The following MNAT1 variants were observed in gnomAD, a reference collection of about 807,000 sequenced individuals.
The protein encoded by MNAT1 is CDK-activating kinase assembly factor MAT1.
MNAT1 carries 43 observed loss-of-function variants against 42.0 expected under a neutral mutation model. That is an observed-to-expected ratio of 1.02 (90% CI 0.80 to 1.32). The LOEUF is 1.32. Ranked by LOEUF, MNAT1 falls within the 40% of genes most tolerant of loss-of-function variation. The pLI, the probability that MNAT1 is intolerant of heterozygous loss-of-function variation, is 0.00. For missense variants in MNAT1, 306 were observed against 350.4 expected (o/e 0.87, Z 1.01); for synonymous variants, 118 against 120.0 (o/e 0.98, Z 0.11).
chr14:60,870,452 G>A (rs1429709146), intron 6 of MNAT1, among the ~76,000 whole-genome samples: 10 of 152,004 alleles, frequency 6.6e-5, no homozygotes, highest in Admixed American at 5.9e-4. Context: ...AACAGAAAGG[G>A]CTTTAGTTTT....
At chr14:60,789,235 T>C (rs192924524) in intron 1 of MNAT1, among the ~76,000 whole-genome samples, 9 of 152,222 alleles carry the variant, frequency 5.9e-5, no homozygotes, top group Non-Finnish European at 8.8e-5. Context: ...GTGAAGCAGT[T>C]GGAGTACATA....
intron 6 of MNAT1, among the ~76,000 whole-genome samples, chr14:60,829,111 G>T (rs1276528257): frequency 6.6e-6 from 1 of 152,062 alleles, no homozygotes; most frequent in Non-Finnish European, 1.5e-5. Flanking sequence ...CTTTCCAGAG[G>T]TTGGTGGAAC....
At chr14:60,790,290 C>T (rs1031820710) in intron 1 of MNAT1, among the ~76,000 whole-genome samples, 1 of 152,166 alleles carries the variant, frequency 6.6e-6, no homozygotes, top group South Asian at 2.1e-4. Context: ...CTGGGAACTG[C>T]TTAGTGCAAA....
intron 1 of MNAT1, among the ~76,000 whole-genome samples, chr14:60,756,244 C>T (rs976651129): frequency 6.6e-6 from 1 of 152,166 alleles, no homozygotes; most frequent in African/African-American, 2.4e-5. Flanking sequence ...AGTGATAGTA[C>T]ACAACCATAC....
intron 1 of MNAT1, among the ~76,000 whole-genome samples, chr14:60,741,881 C>G (rs575461482): frequency 1.3e-5 from 2 of 151,850 alleles, no homozygotes; most frequent in Non-Finnish European, 2.9e-5. Context: ...GCCATTTTAT[C>G]TGGATTGACA....
At chr14:60,795,179 G>A (rs1366595873) in intron 1 of MNAT1, among the ~76,000 whole-genome samples, 1 of 152,074 alleles carries the variant, frequency 6.6e-6, no homozygotes, top group African/African-American at 2.4e-5. Context: ...TATAAATCAA[G>A]CCACATCCTT....
At chr14:60,854,012 TTTCTAA>T (rs1192294291) in intron 6 of MNAT1, among the ~76,000 whole-genome samples, 6 of 152,208 alleles carry the variant, frequency 3.9e-5, no homozygotes, top group African/African-American at 1.4e-4. Flanking sequence ...TCATTCTTTT[TTTCTAA>T]TCTTGTCTTC....
intron 7 of MNAT1, among the ~76,000 whole-genome samples, chr14:60,883,665 G>C (rs556208922): frequency 6.6e-6 from 1 of 151,926 alleles, no homozygotes; most frequent in Admixed American, 6.6e-5. Context: ...AGATTGCTTT[G>C]GGTACTATGG....
intron 6 of MNAT1, among the ~76,000 whole-genome samples, chr14:60,861,129 A>G (rs2034085216): frequency 6.6e-6 from 1 of 152,176 alleles, no homozygotes; most frequent in Admixed American, 6.5e-5. Flanking sequence ...GATTAATATT[A>G]TGAATATAGT....
At chr14:60,793,200 C>CTTGT (rs774834071) in intron 1 of MNAT1, among the ~76,000 whole-genome samples, 9 of 151,040 alleles carry the variant, frequency 6.0e-5, no homozygotes, top group African/African-American at 1.9e-4. Flanking sequence ...TTGTTTTTTG[C>CTTGT]TTGTTTGTTT....
chr14:60,751,833 A>T (rs1342283550), intron 1 of MNAT1, among the ~76,000 whole-genome samples: 1 of 152,066 alleles, frequency 6.6e-6, no homozygotes, highest in Admixed American at 6.5e-5. Flanking sequence ...TTAGAACACA[A>T]ATATGATAGT....
Position 60,953,543 on chromosome 14 carries a change from G to A in MNAT1, c.810-14686G>A, listed in dbSNP as rs117237507. ...TCTATCTTTTGTGAAAGCATGCTTT[G>A]TATTGAAATTATCAAATAGAAGATA... On this transcript the variant is annotated intron_variant, in intron 7 of 7. Coordinates refer to ENST00000261245, the MANE Select transcript of MNAT1 (RefSeq NM_002431.4). Among the ~76,000 whole-genome samples the A allele has an allele frequency of 2.6e-5, 4 of 152,268 alleles. No individual in the cohort carries two copies. The East Asian group carries it at 7.7e-4, about 29-fold the overall frequency.
chr14:60,829,072 T>G (rs1232310787), intron 6 of MNAT1, among the ~76,000 whole-genome samples: 1 of 152,038 alleles, frequency 6.6e-6, no homozygotes, highest in Non-Finnish European at 1.5e-5. Flanking sequence ...TGGCCACTGG[T>G]GATTAACTCA....
At chr14:60,756,436 A>G (rs994154053) in intron 1 of MNAT1, among the ~76,000 whole-genome samples, 3 of 152,212 alleles carry the variant, frequency 2.0e-5, no homozygotes, top group African/African-American at 7.2e-5. Context: ...ATGAGCTAAG[A>G]AGTGCTTTTC....
chr14:60,766,822 T>A (rs1235502230), intron 1 of MNAT1, among the ~76,000 whole-genome samples: 1 of 152,232 alleles, frequency 6.6e-6, no homozygotes, highest in Non-Finnish European at 1.5e-5. Context: ...TAATATAATT[T>A]AATTATTTTG....
Position 60,885,850 on chromosome 14 carries a change from A to G in MNAT1, c.809+6015A>G, listed in dbSNP as rs74512997. Among the ~76,000 whole-genome samples the G allele has an allele frequency of 4.5e-3, 683 of 152,128 alleles. 9 individuals carry two copies. Among genetic ancestry groups the G allele is most frequent in the African/African-American group, 0.015 (611 of 41,544 alleles). On this transcript the variant is annotated intron_variant, in intron 7 of 7. Coordinates refer to ENST00000261245, the MANE Select transcript of MNAT1 (RefSeq NM_002431.4). ...GAAAACCATTGCCAAAGTTAACATC[A>G]AGGATCTTTCTCACTATGTTTTCTC... is the stretch of plus-strand genomic sequence containing the variant.
chr14:60,783,916 A>G (rs955634907), intron 1 of MNAT1, among the ~76,000 whole-genome samples: 5 of 151,862 alleles, frequency 3.3e-5, no homozygotes, highest in Non-Finnish European at 7.4e-5. Context: ...TGTATCTCCA[A>G]CTTCCTGGGC....
intron 6 of MNAT1, among the ~76,000 whole-genome samples, chr14:60,833,648 T>C (rs184881798): frequency 6.6e-6 from 1 of 152,330 alleles, no homozygotes; most frequent in African/African-American, 2.4e-5. Flanking sequence ...TCTTTTTTTG[T>C]TGTGTCTCTG....
At position 60,737,811 on chromosome 14, in the gene MNAT1, G is replaced by A. The variant is rs560087072; in HGVS notation, c.89+2860G>A. Among the ~76,000 whole-genome samples the A allele has an allele frequency of 1.7e-3, 259 of 152,002 alleles. 1 individual carries two copies. The highest frequency in any genetic ancestry group is 5.5e-3 in the African/African-American group (229 of 41,476). ...AGCTACTTGGGAGGCTGAGGAGGGAGGGTTCGAGACCAACTTGGACAACAT... is the reference window on the plus strand; with the variant it reads ...AGCTACTTGGGAGGCTGAGGAGGGAAGGTTCGAGACCAACTTGGACAACAT... On this transcript the variant is annotated intron_variant, in intron 1 of 7. Coordinates refer to ENST00000261245, the MANE Select transcript of MNAT1 (RefSeq NM_002431.4).
Sources: allele counts gnomAD v4.1 joint callset (sites outside exome capture counted in the v4.1 genomes callset), GRCh38; gene constraint gnomAD v4.1.1; transcripts MANE v1.5; gene names NCBI Gene and HGNC (gene_info 2026-07-23, HGNC 2026-07-21).